Variants in MMP21 observed in about 807,000 individuals in gnomAD.
MMP21 encodes matrix metalloproteinase-21.
MMP21 carries 40 observed loss-of-function variants against 47.8 expected under a neutral mutation model. The ratio of observed to expected loss-of-function variants is 0.84; its 90% CI spans 0.65 to 1.09. MMP21 has a LOEUF of 1.09. Ranked by LOEUF, MMP21 falls within the 50% of genes least tolerant of loss-of-function variation. The pLI, the probability that MMP21 is intolerant of heterozygous loss-of-function variation, is 0.00. For synonymous variants in MMP21, 341 were observed against 318.0 expected (o/e 1.07, Z -0.77); for missense variants, 747 against 775.3 (o/e 0.96, Z 0.43).
chr10:125,766,867 G>C lies in MMP21; in HGVS notation c.1505C>G (p.Pro502Arg), dbSNP rs776160569. The C allele has an allele frequency of 3.1e-6, 5 of 1,613,476 alleles. No individual in the cohort carries two copies. Among genetic ancestry groups the C allele is most frequent in the Non-Finnish European group, 4.2e-6 (5 of 1,179,750 alleles). ...ATAAGCGGAATCTATATTTCTGAAAGGATGATTTTGTGGTATTACTGCTGG... is the reference window on the plus strand; with the variant it reads ...ATAAGCGGAATCTATATTTCTGAAACGATGATTTTGTGGTATTACTGCTGG... ...VFPAVIPQNH[P>R]FRNIDSAYYS... Residue 502 changes from proline to arginine, a missense_variant, in exon 7 of 7, where the codon CCT (proline) becomes CGT (arginine). Physicochemically the swap from Pro to Arg is moderately radical, Grantham distance 103. Coordinates refer to ENST00000368808, the MANE Select transcript of MMP21 (RefSeq NM_147191.1).
chr10:125,767,717 CAAAA>C lies in MMP21; in HGVS notation c.1238-17_1238-14del. 6.2e-7 allele frequency: 1 copy of C among 1,613,202 alleles called. No individual in the cohort carries two copies. The highest frequency in any genetic ancestry group is 8.5e-7 in the Non-Finnish European group (1 of 1,179,498). On this transcript the variant is annotated splice_polypyrimidine_tract_variant and intron_variant, in intron 5 of 6. Coordinates refer to ENST00000368808, the MANE Select transcript of MMP21 (RefSeq NM_147191.1). ...CAGTATTGATTTCCTGAGAGCCAAA[CAAAA>C]TACGTTCATGTGGTTTATTACTATT...
In MMP21 at chr10:125,766,892, GA is replaced by G; in HGVS notation, c.1479del (p.Pro494GlnfsTer3). Reference sequence around the variant, plus strand: ...GGATGATTTTGTGGTATTACTGCTGGAAAAACTTCAGTAATCCTCTTTGGAT... The same window carrying G: ...GGATGATTTTGTGGTATTACTGCTGGAAAACTTCAGTAATCCTCTTTGGAT... Reference protein sequence around the residue: ...NSYPKRITEVFPAVIPQNHPF... With the variant: ...NSYPKRITEVXPAVIPQNHPF... On this transcript the variant is annotated frameshift_variant, in exon 7 of 7. Transcript: ENST00000368808. LOFTEE classifies it low-confidence loss of function (END_TRUNC). 1.2e-6 allele frequency: 2 copies of G among 1,612,628 alleles called. No homozygotes were observed. The highest frequency in any genetic ancestry group is 1.7e-6 in the Non-Finnish European group (2 of 1,179,554).
rs1399442035 is a variant in MMP21 at position 125,774,255 on chromosome 10, C to T, written c.273G>A (p.Arg91=). Residue 91 remains arginine (R), a synonymous_variant, in exon 2 of 7, where the codon AGG becomes AGA. Transcript: ENST00000368808. Reference sequence around the variant, plus strand: ...CCGGCAGCGCGTTCGCCCGCTGGAACCTGCGCACCGCCTCGGCCAGGGCGG... The same window carrying T: ...CCGGCAGCGCGTTCGCCCGCTGGAATCTGCGCACCGCCTCGGCCAGGGCGG... ...KGAALAEAVR[R]FQRANALPAS... is the part of the protein sequence containing the mutation. The T allele has an allele frequency of 3.5e-6, 5 of 1,419,298 alleles. No homozygotes were observed. Among genetic ancestry groups the T allele is most frequent in the East Asian group, 3.1e-5 (1 of 32,770 alleles). The allele number at this position is 1,419,298 out of a possible 1,614,324, so 87.9% of individuals were successfully genotyped here.
In MMP21 at chr10:125,770,631, A is replaced by G. The variant is rs767435496; in HGVS notation, c.980-40T>C. The G allele has an allele frequency of 1.1e-5, 17 of 1,606,526 alleles. No individual in the cohort carries two copies. The South Asian group carries it at 1.2e-4, about 12-fold the overall frequency. On this transcript the variant is annotated intron_variant, in intron 4 of 6. Transcript: ENST00000368808. Reference sequence around the variant, plus strand: ...CAAAAAACAGCCACTTGTCACATACATGGTGCAAAACTTATATTTTCATAT... The same window carrying G: ...CAAAAAACAGCCACTTGTCACATACGTGGTGCAAAACTTATATTTTCATAT...
At chr10:125,775,598 C>T (rs1264540172) in intron 1 of MMP21, 62 bp downstream of exon 1, 2 of 1,511,526 alleles carry the variant, frequency 1.3e-6, no homozygotes, top group East Asian at 2.5e-5. Flanking sequence ...CGCGCGTGCG[C>T]ATGTGCCTGT....
In MMP21 at chr10:125,773,021, A is replaced by G. The variant is rs922575793; in HGVS notation, c.698-271T>C. Among the ~76,000 whole-genome samples, 2 of 152,224 alleles carry G rather than the reference A, an allele frequency of 1.3e-5. No homozygotes were observed. Among genetic ancestry groups the G allele is most frequent in the African/African-American group, 4.8e-5 (2 of 41,454 alleles). ...TGAGAGCCCGGCTGGGGGCCTGGGA[A>G]GATGGCAAAAAGGCCTCACCCGGAC... On this transcript the variant is annotated intron_variant, in intron 2 of 6. Coordinates refer to ENST00000368808, the MANE Select transcript of MMP21 (RefSeq NM_147191.1). This position sits in a 1 kb window ranked among gnomAD's most constrained non-coding sequence, Gnocchi z 4.8.
At chr10:125,774,919 G>T (rs1371065031) in intron 1 of MMP21, among the ~76,000 whole-genome samples, 1 of 152,194 alleles carries the variant, frequency 6.6e-6, no homozygotes. Flanking sequence ...TGGGTCTGAG[G>T]ACCTGGGGGG....
rs1714655103 is a variant in MMP21 at position 125,774,210 on chromosome 10, C to T, written c.318G>A (p.Ala106=). Residue 106 remains alanine, a synonymous_variant, in exon 2 of 7, where the codon GCG becomes GCA. Transcript: ENST00000368808. ...GCCGGTTCATGGCCGCTAGGGTGGC[C>T]GCGTCCAGCTCCCCGCTGGCCGGCA... The part of the protein sequence containing the change: ...NALPASGELD[A]ATLAAMNRPR... 4 of 1,369,384 alleles carry T rather than the reference C, an allele frequency of 2.9e-6. No homozygotes were observed. In the South Asian group the frequency reaches 5.0e-5, roughly 17 times the overall value. 84.8% of individuals were successfully genotyped at this position (1,369,384 alleles called of 1,614,324 possible). A position where few individuals can be genotyped will look rare whatever the true frequency, so the allele number is the denominator to read the frequency against.
At chr10:125,770,263 G>A (rs1022627441) in intron 5 of MMP21, 71 bp downstream of exon 5, 1 of 1,490,778 alleles carries the variant, frequency 6.7e-7, no homozygotes, top group African/African-American at 1.4e-5. Context: ...TCCTTGGTAG[G>A]GGCTCAAGAC....
At position 125,772,219 on chromosome 10, in the gene MMP21, A is replaced by AT; in HGVS notation, c.977dup (p.Tyr326Ter). The AT allele has an allele frequency of 6.2e-7, 1 of 1,614,172 alleles. No homozygotes were observed. Among genetic ancestry groups the AT allele is most frequent in the Non-Finnish European group, 8.5e-7 (1 of 1,180,022 alleles). ...WSDRKAIQKLYGSCEGSFDTA... is the reference protein window; with the variant it reads ...WSDRKAIQKL ...GGATGCCCTCCGCAGCAGTCTTACC[A>AT]TACAGCTTTTGAATTGCTTTCCTGT... Residue 326 changes from tyrosine to a stop codon, truncating the protein, a stop_gained and frameshift_variant and splice_region_variant, in exon 4 of 7, where the codon TAT becomes TAAT. Coordinates refer to ENST00000368808, the MANE Select transcript of MMP21 (RefSeq NM_147191.1). LOFTEE classifies it high-confidence loss of function. This position sits in a 1 kb window ranked among gnomAD's most constrained non-coding sequence, Gnocchi z 5.6.
At chr10:125,775,157 C>T (rs1385717359) in intron 1 of MMP21, among the ~76,000 whole-genome samples, 1 of 152,198 alleles carries the variant, frequency 6.6e-6, no homozygotes, top group Non-Finnish European at 1.5e-5. Flanking sequence ...CACCACGACT[C>T]TCTGGAGGAG....
chr10:125,768,136 C>T (rs1171320574), intron 5 of MMP21, among the ~76,000 whole-genome samples: 3 of 152,284 alleles, frequency 2.0e-5, no homozygotes, highest in East Asian at 1.9e-4. Flanking sequence ...GAATCACTTT[C>T]GTATCCTAAT....
chr10:125,774,172 A>T lies in MMP21; in HGVS notation c.356T>A (p.Val119Asp). Residue 119 changes from valine (V) to aspartate (D), a missense_variant, in exon 2 of 7, where the codon GTC (valine) becomes GAC (aspartate). Coordinates refer to ENST00000368808, the MANE Select transcript of MMP21 (RefSeq NM_147191.1). Reference protein sequence around the residue: ...LAAMNRPRCGVPDMRPPPPSA... With the variant: ...LAAMNRPRCGDPDMRPPPPSA... ...GGGGGGCGGTGGGCGCATGTCCGGG[A>T]CCCCGCAGCGCGGCCGGTTCATGGC... The T allele has an allele frequency of 7.8e-7, 1 of 1,275,154 alleles. No individual in the cohort carries two copies. Among genetic ancestry groups the T allele is most frequent in the Non-Finnish European group, 9.9e-7 (1 of 1,014,794 alleles). The allele number at this position is 1,275,154 out of a possible 1,614,324, so 79.0% of individuals were successfully genotyped here. A position where few individuals can be genotyped will look rare whatever the true frequency, so the allele number is the denominator to read the frequency against.
In MMP21 at chr10:125,774,161, G is replaced by T. The variant is rs1371843399; in HGVS notation, c.367C>A (p.Arg123Ser). The T allele has an allele frequency of 2.4e-6, 3 of 1,274,384 alleles. No homozygotes were observed. The highest frequency in any genetic ancestry group is 2.0e-6 in the Non-Finnish European group (2 of 1,014,294). The allele number at this position is 1,274,384 out of a possible 1,614,324, so 78.9% of individuals were successfully genotyped here. ...NRPRCGVPDM[R>S]PPPPSAPPSP... ...GGCGGGGCGGAGGGGGGCGGTGGGC[G>T]CATGTCCGGGACCCCGCAGCGCGGC... Residue 123 changes from arginine to serine, a missense_variant, in exon 2 of 7, where the codon CGC becomes AGC. Arg to Ser is a moderately radical substitution (Grantham distance 110). Transcript: ENST00000368808.
In MMP21 at chr10:125,772,375, C is replaced by A. The variant is rs1247200309; in HGVS notation, c.838-16G>T. 6.2e-7 allele frequency: 1 copy of A among 1,613,660 alleles called. No individual in the cohort carries two copies. Among genetic ancestry groups the A allele is most frequent in the Non-Finnish European group, 8.5e-7 (1 of 1,179,896 alleles). On this transcript the variant is annotated splice_polypyrimidine_tract_variant and intron_variant, in intron 3 of 6. Coordinates refer to ENST00000368808, the MANE Select transcript of MMP21 (RefSeq NM_147191.1). This position sits in a 1 kb window ranked among gnomAD's most constrained non-coding sequence, Gnocchi z 5.6. Reference sequence around the variant, plus strand: ...GGACGGCCACCTAGAAGGGGACACACACCATGGGTGCTGGGTGAAGCCTGG... The same window carrying A: ...GGACGGCCACCTAGAAGGGGACACAAACCATGGGTGCTGGGTGAAGCCTGG...
chr10:125,774,646 TGGGCA>T (rs1850495638), intron 1 of MMP21, among the ~76,000 whole-genome samples: 5 of 152,138 alleles, frequency 3.3e-5, no homozygotes, highest in Admixed American at 1.3e-4. Context: ...GGGCCCTGGA[TGGGCA>T]CCAGGCTGAG....
chr10:125,769,518 G>A (rs28381306), intron 5 of MMP21, among the ~76,000 whole-genome samples: 42 of 152,186 alleles, frequency 2.8e-4, no homozygotes, highest in East Asian at 1.5e-3. Flanking sequence ...CCACGGCTTC[G>A]CTTCTGCTGC....
Position 125,773,304 on chromosome 10 carries a change from C to G in MMP21, c.697+527G>C, listed in dbSNP as rs1850474951. The stretch of plus-strand genomic sequence containing the variant: ...TTCTGGGTGCCTTTTTGTGGGTATC[C>G]CAGATCCCACCCATCCTTGAGTCTA... On this transcript the variant is annotated intron_variant, in intron 2 of 6. Coordinates refer to ENST00000368808, the MANE Select transcript of MMP21 (RefSeq NM_147191.1). The surrounding 1 kb of genome is among the most constrained non-coding windows in gnomAD (Gnocchi z 4.8). 6.6e-6 allele frequency among the ~76,000 whole-genome samples: 1 copy of G among 152,016 alleles called. No homozygotes were observed. Among genetic ancestry groups the G allele is most frequent in the Non-Finnish European group, 1.5e-5 (1 of 67,994 alleles).
intron 5 of MMP21, among the ~76,000 whole-genome samples, chr10:125,769,132 C>T (rs1039488752): frequency 2.0e-5 from 3 of 152,164 alleles, no homozygotes; most frequent in Admixed American, 6.6e-5. Context: ...TGTTTATGAT[C>T]GGACTCTGTG....
Sources: allele counts gnomAD v4.1 joint callset (sites outside exome capture counted in the v4.1 genomes callset), GRCh38; gene constraint gnomAD v4.1.1; non-coding constraint Gnocchi (gnomAD v3.1); transcripts MANE v1.5; gene names NCBI Gene and HGNC (gene_info 2026-07-23, HGNC 2026-07-21).